Variants in RBFOX1 observed in about 807,000 individuals in gnomAD.
RBFOX1 encodes the protein RNA binding protein fox-1 homolog 1.
Under a neutral mutation model 57.7 loss-of-function variants are expected in RBFOX1, and 8 were observed. That is an observed-to-expected ratio of 0.14 (90% CI 0.08 to 0.25). RBFOX1 has a LOEUF of 0.25. RBFOX1 is among the 10% of genes least tolerant of loss of function. The pLI, the probability that RBFOX1 is intolerant of heterozygous loss-of-function variation, is 1.00. For synonymous variants in RBFOX1, 326 were observed against 222.4 expected (o/e 1.47, Z -4.15); for missense variants, 611 against 548.5 (o/e 1.11, Z -1.14).
chr16:6,861,149 T>C (rs1438904048), intron 3 of RBFOX1, among the ~76,000 whole-genome samples: 1 of 152,178 alleles, frequency 6.6e-6, no homozygotes, highest in Non-Finnish European at 1.5e-5. Context: ...ATCTTCCGTA[T>C]TTTTTATATG....
intron 3 of RBFOX1, among the ~76,000 whole-genome samples, chr16:5,777,859 A>T (rs1399361838): frequency 1.3e-5 from 2 of 152,210 alleles, no homozygotes; most frequent in Non-Finnish European, 2.9e-5. Flanking sequence ...TGTAGAGATG[A>T]TGAGAACCAC....
chr16:5,687,632 A>T (rs572648361), intron 3 of RBFOX1, among the ~76,000 whole-genome samples: 95 of 152,184 alleles, frequency 6.2e-4, no homozygotes, highest in Middle Eastern at 3.2e-3. Context: ...TAGCGTCACC[A>T]TGAAACCAGT....
At chr16:6,413,828 C>A (rs925879203) in intron 2 of RBFOX1, among the ~76,000 whole-genome samples, 2 of 152,120 alleles carry the variant, frequency 1.3e-5, no homozygotes, top group Non-Finnish European at 2.9e-5. Context: ...CCTGCATGTT[C>A]TTTTTTGTTG....
rs74985479 is a variant in RBFOX1 at position 6,537,202 on chromosome 16, A to C, written c.-63-117401A>C. Among the ~76,000 whole-genome samples, 507 of 152,214 alleles carry C rather than the reference A, an allele frequency of 3.3e-3. 13 individuals are homozygous for C. In the East Asian group the frequency reaches 0.041, roughly 12 times the overall value. ...GTTTCGTAGGTCTGGGTGGAGCCTG[A>C]GATTCGGCACTTCTAATAAGCTTCC... is the stretch of plus-strand genomic sequence containing the variant. On this transcript the variant is annotated intron_variant, in intron 2 of 15. Coordinates refer to ENST00000550418, the MANE Select transcript of RBFOX1 (RefSeq NM_018723.4).
At chr16:6,725,659 A>C in intron 3 of RBFOX1, among the ~76,000 whole-genome samples, 1 of 152,150 alleles carries the variant, frequency 6.6e-6, no homozygotes, top group Non-Finnish European at 1.5e-5. Context: ...TTAATTTCTT[A>C]ATACATTTGC....
intron 4 of RBFOX1, among the ~76,000 whole-genome samples, chr16:7,255,130 G>A (rs1057371564): frequency 6.6e-6 from 1 of 152,010 alleles, no homozygotes; most frequent in South Asian, 2.1e-4. Flanking sequence ...CCCCATCTCC[G>A]ATCTTTGCAA....
At chr16:5,607,579 A>G (rs1051350309) in intron 3 of RBFOX1, among the ~76,000 whole-genome samples, 13 of 152,056 alleles carry the variant, frequency 8.5e-5, no homozygotes, top group Non-Finnish European at 1.6e-4. Flanking sequence ...TCTCCTTCCT[A>G]TCTCCTGATG....
At chr16:6,334,669 G>A (rs986006023) in intron 2 of RBFOX1, among the ~76,000 whole-genome samples, 1 of 152,284 alleles carries the variant, frequency 6.6e-6, no homozygotes, top group African/African-American at 2.4e-5. Flanking sequence ...CAGAGGACAG[G>A]CAAGTAGATT....
intron 3 of RBFOX1, among the ~76,000 whole-genome samples, chr16:6,912,401 C>T (rs566114725): frequency 2.6e-5 from 4 of 152,084 alleles, no homozygotes; most frequent in East Asian, 3.9e-4. Context: ...TTGCGAACCA[C>T]GGGGCTACTG....
At chr16:5,767,931 C>T (rs547071369) in intron 3 of RBFOX1, among the ~76,000 whole-genome samples, 26 of 149,526 alleles carry the variant, frequency 1.7e-4, no homozygotes, top group Middle Eastern at 3.4e-3. Context: ...AGTCCCATTA[C>T]TTTCTCTCTG....
At chr16:5,922,889 C>G (rs909709506) in intron 4 of RBFOX1, among the ~76,000 whole-genome samples, 1 of 152,160 alleles carries the variant, frequency 6.6e-6, no homozygotes, top group African/African-American at 2.4e-5. Flanking sequence ...TGGCAGACAC[C>G]AGCACTTTGC....
intron 4 of RBFOX1, among the ~76,000 whole-genome samples, chr16:7,347,644 C>A (rs1006859016): frequency 6.6e-6 from 1 of 152,320 alleles, no homozygotes; most frequent in Non-Finnish European, 1.5e-5. Context: ...GGCTGTCACA[C>A]TACTGTGACT....
rs540964203 is a variant in RBFOX1 at position 5,581,430 on chromosome 16, G to A, written c.259-17472G>A. ...TTGGTTCCTGGAGGGAGAATCCAGT[G>A]GCAACCTTGGAACAGGAATGGAGTA... On this transcript the variant is annotated intron_variant, in intron 2 of 2. Transcript: ENST00000585867. Among the ~76,000 whole-genome samples, 8 of 152,318 alleles carry A rather than the reference G, an allele frequency of 5.3e-5. No homozygotes were observed. The South Asian group carries it at 8.3e-4, about 16-fold the overall frequency.
At chr16:7,598,257 G>T (rs1475816288) in intron 9 of RBFOX1, among the ~76,000 whole-genome samples, 1 of 152,044 alleles carries the variant, frequency 6.6e-6, no homozygotes, top group Non-Finnish European at 1.5e-5. Context: ...AAAATGAGCA[G>T]GATAAGGATC....
chr16:7,373,106 G>T (rs957563363), intron 4 of RBFOX1, among the ~76,000 whole-genome samples: 65 of 151,900 alleles, frequency 4.3e-4, no homozygotes, highest in African/African-American at 1.2e-3. Flanking sequence ...TAATTTTTTT[G>T]TATTTTTTAG....
At chr16:5,624,360 A>G (rs1051026235) in intron 3 of RBFOX1, among the ~76,000 whole-genome samples, 2 of 152,052 alleles carry the variant, frequency 1.3e-5, no homozygotes, top group Non-Finnish European at 2.9e-5. Context: ...GTGCCCAACT[A>G]ATTTTTTTTC....
intron 3 of RBFOX1, among the ~76,000 whole-genome samples, chr16:5,616,552 C>G (rs1159132100): frequency 6.6e-6 from 1 of 150,964 alleles, no homozygotes; most frequent in Non-Finnish European, 1.5e-5. Flanking sequence ...TTTCCTCTCC[C>G]TCCTCCTCCT....
intron 1 of RBFOX1, among the ~76,000 whole-genome samples, chr16:5,447,299 C>G (rs1567523409): frequency 6.6e-6 from 1 of 151,996 alleles, no homozygotes; most frequent in East Asian, 1.9e-4. Context: ...ACCGTATAAG[C>G]TGTGTGACTT....
At chr16:6,393,152 T>C (rs978855608) in intron 2 of RBFOX1, among the ~76,000 whole-genome samples, 1 of 152,250 alleles carries the variant, frequency 6.6e-6, no homozygotes, top group African/African-American at 2.4e-5. Context: ...GTTAGCTTTT[T>C]GACTAATGGA....
Sources: allele counts gnomAD v4.1 joint callset (sites outside exome capture counted in the v4.1 genomes callset), GRCh38; gene constraint gnomAD v4.1.1; transcripts MANE v1.5; gene names NCBI Gene and HGNC (gene_info 2026-07-23, HGNC 2026-07-21).